The following FRY variants were observed in gnomAD, a reference collection of about 807,000 sequenced individuals.
The protein encoded by FRY is protein furry homolog.
Under a neutral mutation model 348.4 loss-of-function variants are expected in FRY, and 128 were observed. That is an observed-to-expected ratio of 0.37 (90% CI 0.32 to 0.43). The LOEUF (loss-of-function observed/expected upper bound fraction) is 0.43. FRY is among the 20% of genes least tolerant of loss of function. The probability of loss-of-function intolerance (pLI) is 1.00; values close to 1 mark genes in which losing one functional copy is unlikely to be tolerated. For missense variants in FRY, 2,736 were observed against 3,695.2 expected, an observed-to-expected ratio of 0.74 and a Z score of 6.73; for synonymous variants, 1,370 against 1,374.7, an observed-to-expected ratio of 1.00 and a Z score of 0.08.
chr13:32,181,464 T>G (rs1882704590), intron 23 of FRY, among the ~76,000 whole-genome samples: 1 of 148,510 alleles, frequency 6.7e-6, no homozygotes, highest in South Asian at 2.1e-4. Context: ...CGTGATGGTG[T>G]GCACCTGTAG....
intron 5 of FRY, 30 bp from the exon 6 acceptor site, chr13:32,124,572 T>C: frequency 7.6e-7 from 1 of 1,307,944 alleles, no homozygotes; most frequent in Non-Finnish European, 1.1e-6. Flanking sequence ...AATATTCCCT[T>C]CTGAGTTAAG....
chr13:32,170,771 G>T (rs914878630), intron 17 of FRY, among the ~76,000 whole-genome samples: 1 of 151,956 alleles, frequency 6.6e-6, no homozygotes, highest in Non-Finnish European at 1.5e-5. Context: ...TCCTGAACTC[G>T]GGCAATCCAC....
chr13:32,109,033 T>G lies in FRY; in HGVS notation c.324+7017T>G, dbSNP rs117334260. On this transcript the variant is annotated intron_variant, in intron 3 of 60. Coordinates refer to ENST00000542859, the MANE Select transcript of FRY (RefSeq NM_023037.3). ...GAGACAATGGTCATGAAGGCAGTAA[T>G]GAAGAGACCTAAGGCATTTGGGGAA... Among the ~76,000 whole-genome samples the G allele has an allele frequency of 2.9e-3, 442 of 152,238 alleles. 1 individual carries two copies. Among genetic ancestry groups the G allele is most frequent in the Non-Finnish European group, 3.4e-3 (232 of 68,022 alleles).
chr13:32,228,981 A>G (rs1020318309), intron 40 of FRY, among the ~76,000 whole-genome samples: 1 of 152,196 alleles, frequency 6.6e-6, no homozygotes, highest in African/African-American at 2.4e-5. Context: ...GCCATCTATC[A>G]GAGCTGCCAG....
chr13:32,192,382 G>A (rs1164875290), intron 28 of FRY, among the ~76,000 whole-genome samples: 4 of 142,484 alleles, frequency 2.8e-5, no homozygotes, highest in South Asian at 4.8e-4. Context: ...GCGCGATCTC[G>A]GCTCACTGCA....
At chr13:32,273,766 C>T (rs536447532) in intron 55 of FRY, among the ~76,000 whole-genome samples, 65 of 152,288 alleles carry the variant, frequency 4.3e-4, no homozygotes, top group Non-Finnish European at 8.7e-4. Context: ...CCTTTTTCAT[C>T]TTGTCCACAT....
In FRY at chr13:32,261,626, T is replaced by C; in HGVS notation, c.7427T>C (p.Met2476Thr). Residue 2476 changes from methionine to threonine, a missense_variant, in exon 52 of 61, where the codon ATG (methionine) becomes ACG (threonine). By Grantham distance (81) the Met-to-Thr change is moderately conservative. Transcript: ENST00000542859. ...ATGGTGTGATTTCAGGGTGAGAGTATGGACAATTTCAACTGGGGAGTGCGC... is the reference window on the plus strand; with the variant it reads ...ATGGTGTGATTTCAGGGTGAGAGTACGGACAATTTCAACTGGGGAGTGCGC... ...VELEDGEGES[M>T]DNFNWGVRRR... 1 of 1,614,086 alleles carries C rather than the reference T, an allele frequency of 6.2e-7. No individual in the cohort carries two copies. Among genetic ancestry groups the C allele is most frequent in the Non-Finnish European group, 8.5e-7 (1 of 1,179,968 alleles).
At position 32,293,033 on chromosome 13, in the gene FRY, CTT is replaced by C. The variant is rs531038668; in HGVS notation, c.8581-1334_8581-1333del. Among the ~76,000 whole-genome samples the C allele has an allele frequency of 3.2e-3, 490 of 152,084 alleles. 3 individuals carry two copies. The highest frequency in any genetic ancestry group is 0.011 in the African/African-American group (459 of 41,496). On this transcript the variant is annotated intron_variant, in intron 59 of 60. Coordinates refer to ENST00000542859, the MANE Select transcript of FRY (RefSeq NM_023037.3). ...TAATTAAGGTATGTATATTTTTAGACTTAGTGTATTTAGACTACAATATTGTG... is the reference window on the plus strand; with the variant it reads ...TAATTAAGGTATGTATATTTTTAGACAGTGTATTTAGACTACAATATTGTG...
chr13:32,070,284 G>A (rs905896117), intron 1 of FRY, among the ~76,000 whole-genome samples: 49 of 152,176 alleles, frequency 3.2e-4, no homozygotes, highest in African/African-American at 9.6e-4. Flanking sequence ...TTGAGGAATC[G>A]CCACACAGTC....
At chr13:32,132,132 A>AT (rs1372508083) in intron 8 of FRY, among the ~76,000 whole-genome samples, 4 of 151,898 alleles carry the variant, frequency 2.6e-5, no homozygotes, top group African/African-American at 9.7e-5. Flanking sequence ...AATATAACTG[A>AT]TTTTTACTTT....
chr13:32,115,213 A>G (rs374719233), intron 3 of FRY, among the ~76,000 whole-genome samples: 1 of 152,356 alleles, frequency 6.6e-6, no homozygotes, highest in South Asian at 2.1e-4. Flanking sequence ...GGAAAATCCT[A>G]TTGACACAAA....
At chr13:32,257,492 C>T (rs9567503) in intron 51 of FRY, among the ~76,000 whole-genome samples, 1 of 152,310 alleles carries the variant, frequency 6.6e-6, no homozygotes, top group East Asian at 1.9e-4. Flanking sequence ...TGTGTCTTTG[C>T]TATTAATTGC....
At chr13:32,163,513 C>T (rs975386747) in intron 17 of FRY, among the ~76,000 whole-genome samples, 2 of 152,084 alleles carry the variant, frequency 1.3e-5, no homozygotes, top group African/African-American at 2.4e-5. Context: ...AGAGAGGAGG[C>T]GTCTGCAGGG....
At chr13:32,114,011 A>G (rs1244985433) in intron 3 of FRY, among the ~76,000 whole-genome samples, 1 of 152,206 alleles carries the variant, frequency 6.6e-6, no homozygotes, top group Non-Finnish European at 1.5e-5. Flanking sequence ...TTAAGAAATT[A>G]TTATAGATGA....
chr13:32,294,314 G>A (rs977749785), intron 59 of FRY, 54 bp from the exon 60 acceptor site: 2 of 1,280,450 alleles, frequency 1.6e-6, no homozygotes, highest in Non-Finnish European at 2.3e-6. Context: ...CTTTTGGGAT[G>A]TAAAATTCCC....
chr13:32,254,304 G>A lies in FRY; in HGVS notation c.7326G>A (p.Glu2442=). ...SLVSSEDGAR[E]QENMDDTNSE... ...TATCTTCTGAGGACGGTGCCCGAGA[G>A]CAGGAGAACATGGATGACACAAACA... is the stretch of plus-strand genomic sequence containing the variant. Residue 2442 remains glutamate (E), a synonymous_variant, in exon 51 of 61, where the codon GAG becomes GAA. Transcript: ENST00000542859. 6.2e-7 allele frequency: 1 copy of A among 1,614,072 alleles called. No individual in the cohort carries two copies. Among genetic ancestry groups the A allele is most frequent in the South Asian group, 1.1e-5 (1 of 91,082 alleles).
At chr13:32,183,776 C>CAAAAA (rs10706504) in intron 24 of FRY, among the ~76,000 whole-genome samples, 1 of 78,118 alleles carries the variant, frequency 1.3e-5, no homozygotes, top group African/African-American at 5.3e-5. Context: ...ACTCTGTCTC[C>CAAAAA]AAAAAAAAAA....
At chr13:32,235,990 G>T in intron 42 of FRY, 88 bp from the exon 43 acceptor site, 2 of 944,820 alleles carry the variant, frequency 2.1e-6, no homozygotes, top group Non-Finnish European at 3.4e-6. Context: ...TAACATTATT[G>T]GAATACAGTT....
chr13:32,123,971 A>G (rs908543969), intron 4 of FRY, among the ~76,000 whole-genome samples: 18 of 152,032 alleles, frequency 1.2e-4, no homozygotes, highest in African/African-American at 4.1e-4. Flanking sequence ...AGTAGCTGGG[A>G]TTACAGGCAT....
Sources: gnomAD v4.1 joint callset for allele counts (sites outside exome capture counted in the v4.1 genomes callset) on GRCh38, gnomAD v4.1.1 for gene constraint, MANE v1.5 for transcripts, NCBI Gene and HGNC (gene_info 2026-07-23, HGNC 2026-07-21) for gene names.